SDK2: variants seen among roughly 807,000 people sequenced by gnomAD.
SDK2 encodes protein sidekick-2.
A neutral mutation model predicts 253.9 loss-of-function variants in SDK2; 105 were observed. The ratio of observed to expected loss-of-function variants is 0.41; its 90% CI spans 0.35 to 0.49. SDK2 has a LOEUF of 0.49. SDK2 is among the 20% of genes least tolerant of loss of function. The pLI is 0.06. For synonymous variants in SDK2, 1,249 were observed against 1,234.9 expected (o/e 1.01, Z -0.24); for missense variants, 2,608 against 3,003.0 (o/e 0.87, Z 3.07).
chr17:73,360,019 C>G (rs1249122027), intron 39 of SDK2, among the ~76,000 whole-genome samples: 1 of 152,230 alleles, frequency 6.6e-6, no homozygotes, highest in Non-Finnish European at 1.5e-5. Context: ...CTCCCCACCT[C>G]TCAGCCTGGG....
intron 2 of SDK2, among the ~76,000 whole-genome samples, chr17:73,478,387 C>A (rs142765377): frequency 6.6e-6 from 1 of 152,066 alleles, no homozygotes; most frequent in African/African-American, 2.4e-5. Flanking sequence ...AAGCAGCAGG[C>A]GGTAGAGAGA....
intron 3 of SDK2, among the ~76,000 whole-genome samples, chr17:73,471,191 C>T (rs2063648027): frequency 6.6e-6 from 1 of 152,188 alleles, no homozygotes; most frequent in Admixed American, 6.5e-5. Flanking sequence ...CCTCATTCTC[C>T]CCTTCCCCTT....
At position 73,402,108 on chromosome 17, in the gene SDK2, C is replaced by A. The variant is rs766228245; in HGVS notation, c.2518G>T (p.Val840Phe). The change falls in exon 19 of 45, where the codon GTT (valine) becomes TTT (phenylalanine). Residue 840 changes from valine (V) to phenylalanine (F), a missense_variant. Coordinates refer to ENST00000392650, the MANE Select transcript of SDK2 (RefSeq NM_001144952.2). ...TTAGGCCGGGCGGTCACCATGGTAA[C>A]CTCCTCTTCCTGTTCCGGCTCCCAG... is the stretch of plus-strand genomic sequence containing the variant. ...IAWEPEQEEE[V>F]TMVTARPNFQ... The A allele has an allele frequency of 1.2e-6, 2 of 1,613,986 alleles. No homozygotes were observed. Among genetic ancestry groups the A allele is most frequent in the Non-Finnish European group, 1.7e-6 (2 of 1,179,858 alleles).
At position 73,483,687 on chromosome 17, in the gene SDK2, ATATATATATATATATATATATTTT is replaced by A. The variant is rs1567799391; in HGVS notation, c.225-11493_225-11470del. Among the ~76,000 whole-genome samples the A allele has an allele frequency of 5.2e-3, 359 of 68,888 alleles. 23 individuals carry two copies. The highest frequency in any genetic ancestry group is 0.02 in the African/African-American group (354 of 17,880). 45.2% of individuals were successfully genotyped at this position (68,888 alleles called of 152,430 possible). A position where few individuals can be genotyped will look rare whatever the true frequency, so the allele number is the denominator to read the frequency against. On this transcript the variant is annotated intron_variant, in intron 2 of 44. Coordinates refer to ENST00000392650, the MANE Select transcript of SDK2 (RefSeq NM_001144952.2). ...TATATATATATATATATATATTTAT[ATATATATATATATATATATATTTT>A]TTTTTTTTTTTAGTAGAGTTGGGGT...
chr17:73,428,416 C>A (rs543657274), intron 12 of SDK2, among the ~76,000 whole-genome samples: 6 of 152,224 alleles, frequency 3.9e-5, no homozygotes, highest in South Asian at 4.1e-4. Flanking sequence ...GAAACCTGCA[C>A]CCGCCCAGGC....
chr17:73,368,671 TCA>T, intron 36 of SDK2, 78 bp from the exon 37 acceptor site: 2 of 1,239,290 alleles, frequency 1.6e-6, no homozygotes, highest in Non-Finnish European at 2.2e-6. Context: ...ACCTGTAGTC[TCA>T]GAGACACCTT....
intron 16 of SDK2, among the ~76,000 whole-genome samples, chr17:73,418,457 G>A (rs1429563720): frequency 2.6e-5 from 4 of 152,180 alleles, no homozygotes; most frequent in Admixed American, 6.5e-5. Flanking sequence ...GAGAACCACC[G>A]CCCTTCAGGA....
chr17:73,515,652 C>T (rs573789798), intron 1 of SDK2, among the ~76,000 whole-genome samples: 15 of 152,204 alleles, frequency 9.9e-5, no homozygotes, highest in Non-Finnish European at 2.1e-4. Flanking sequence ...GAAGCAGAGG[C>T]CAGAGCCTTA....
At chr17:73,434,948 T>C (rs544034261) in intron 9 of SDK2, among the ~76,000 whole-genome samples, 1 of 139,570 alleles carries the variant, frequency 7.2e-6, no homozygotes, top group Admixed American at 7.1e-5. Flanking sequence ...TCACCTTTGA[T>C]TGCTAAAAAC....
At chr17:73,583,939 C>A (rs574729801) in intron 1 of SDK2, among the ~76,000 whole-genome samples, 2 of 152,338 alleles carry the variant, frequency 1.3e-5, no homozygotes, top group East Asian at 3.9e-4. Context: ...CATTGACATG[C>A]AGATTTTGAC....
In SDK2 at chr17:73,452,355, T is replaced by C. The variant is rs138518791; in HGVS notation, c.479+3551A>G. Among the ~76,000 whole-genome samples the C allele has an allele frequency of 4.4e-3, 674 of 152,122 alleles. 4 individuals are homozygous for C. The highest frequency in any genetic ancestry group is 0.016 in the African/African-American group (648 of 41,500). ...ACCAGGGAATTTGCTGCCAGGGACC[T>C]TTTCTGCTCACTTATGAATATTAAT... On this transcript the variant is annotated intron_variant, in intron 4 of 44. Coordinates refer to ENST00000392650, the MANE Select transcript of SDK2 (RefSeq NM_001144952.2).
rs2062848526 is a variant in SDK2, at chr17:73,383,475, G to C, written c.4705+401C>G. ...CAGGGTGCTCCTTCTCATGCACCGG[G>C]CTGTCCCCGTCCCTTTGTCCTGGTT... On this transcript the variant is annotated intron_variant, in intron 33 of 44. Coordinates refer to ENST00000392650, the MANE Select transcript of SDK2 (RefSeq NM_001144952.2). The surrounding 1 kb of genome is among the most constrained non-coding windows in gnomAD (Gnocchi z 4.3). 6.6e-6 allele frequency among the ~76,000 whole-genome samples: 1 copy of C among 152,228 alleles called. No homozygotes were observed. The highest frequency in any genetic ancestry group is 1.5e-5 in the Non-Finnish European group (1 of 68,038).
chr17:73,552,870 C>T (rs2045083414), intron 1 of SDK2, among the ~76,000 whole-genome samples: 1 of 152,256 alleles, frequency 6.6e-6, no homozygotes, highest in South Asian at 2.1e-4. Flanking sequence ...GGCAAGTTCT[C>T]AACTCGAGAG....
At chr17:73,407,932 T>C (rs1400443060) in intron 18 of SDK2, among the ~76,000 whole-genome samples, 3 of 152,194 alleles carry the variant, frequency 2.0e-5, no homozygotes, top group Admixed American at 6.6e-5. Flanking sequence ...ATAACCCTTA[T>C]TGAAATGATA....
In SDK2 at chr17:73,447,590, C is replaced by T. The variant is rs1232145383; in HGVS notation, c.613+25G>A. On this transcript the variant is annotated intron_variant, in intron 5 of 44. Transcript: ENST00000392650. The surrounding 1 kb of genome is among the most constrained non-coding windows in gnomAD (Gnocchi z 4.0). ...AAGATTTAATGGCCCGCTCCAAGAT[C>T]GGTCCCGGCCCTGTGCGTACTTACT... 18 of 1,551,272 alleles carry T rather than the reference C, an allele frequency of 1.2e-5. No homozygotes were observed. Among genetic ancestry groups the T allele is most frequent in the Admixed American group, 5.9e-5 (3 of 50,968 alleles).
chr17:73,454,795 C>T (rs904636094), intron 4 of SDK2, among the ~76,000 whole-genome samples: 1 of 152,080 alleles, frequency 6.6e-6, no homozygotes, highest in Non-Finnish European at 1.5e-5. Flanking sequence ...CCTCTGACTC[C>T]CAGGTTCAAG....
intron 39 of SDK2, 102 bp from the exon 40 acceptor site, chr17:73,358,306 C>T (rs1451206564): frequency 1.4e-6 from 2 of 1,439,118 alleles, no homozygotes; most frequent in Non-Finnish European, 1.9e-6. Context: ...AAAACCAACC[C>T]TGGACAGAGA....
chr17:73,464,266 G>T (rs1180735936), intron 3 of SDK2, among the ~76,000 whole-genome samples: 3 of 152,096 alleles, frequency 2.0e-5, no homozygotes, highest in Admixed American at 2.0e-4. Flanking sequence ...TGAATCATGG[G>T]GGTGGTTCCC....
intron 2 of SDK2, among the ~76,000 whole-genome samples, chr17:73,493,184 G>C (rs1244722319): frequency 6.9e-6 from 1 of 144,884 alleles, no homozygotes; most frequent in Non-Finnish European, 1.5e-5. Context: ...CTGTGCACCC[G>C]TTAACCAGGG....
Sources: gnomAD v4.1 joint callset for allele counts (sites outside exome capture counted in the v4.1 genomes callset) on GRCh38, gnomAD v4.1.1 for gene constraint, Gnocchi (gnomAD v3.1) non-coding constraint, MANE v1.5 for transcripts, NCBI Gene and HGNC (gene_info 2026-07-23, HGNC 2026-07-21) for gene names.